The following CCSER1 variants were observed in gnomAD, a reference collection of about 807,000 sequenced individuals.
The protein encoded by CCSER1 is coiled-coil serine rich protein 1, also known as serine-rich coiled-coil domain-containing protein 1.
In CCSER1, 41 loss-of-function variants were observed where a neutral mutation model predicts 82.0. The observed-to-expected ratio is 0.50, with a 90% CI of 0.39 to 0.65. CCSER1 has a LOEUF of 0.65. CCSER1 is among the 30% of genes least tolerant of loss of function. CCSER1 has a pLI of 0.00. For synonymous variants in CCSER1, 414 were observed against 383.9 expected (o/e 1.08, Z -0.92); for missense variants, 1,119 against 1,064.2 (o/e 1.05, Z -0.72).
At chr4:90,491,010 TTTTGGTTCCATAGGAACTTTAAAGTAG>T (rs1767922306) in intron 5 of CCSER1, among the ~76,000 whole-genome samples, 1 of 152,222 alleles carries the variant, frequency 6.6e-6, no homozygotes, top group South Asian at 2.1e-4. Flanking sequence ...TGCGGGCCCT[TTTTGGTTCCATAGGAACTTTAAAGTAG>T]TTTTTTCCAA....
chr4:91,015,756 T>G (rs2150513292), intron 9 of CCSER1, among the ~76,000 whole-genome samples: 1 of 152,156 alleles, frequency 6.6e-6, no homozygotes, highest in Admixed American at 6.5e-5. Context: ...TCAAATGTAT[T>G]AAAAGCAATT....
At chr4:90,849,785 T>A (rs1580768300) in intron 8 of CCSER1, among the ~76,000 whole-genome samples, 3 of 118,792 alleles carry the variant, frequency 2.5e-5, no homozygotes, top group African/African-American at 6.6e-5. Flanking sequence ...CAAAACTCCA[T>A]CTCATAAAAA....
intron 8 of CCSER1, among the ~76,000 whole-genome samples, chr4:90,922,853 C>T (rs556037956): frequency 6.6e-6 from 1 of 152,194 alleles, no homozygotes; most frequent in Admixed American, 6.5e-5. Flanking sequence ...GTATTACTTC[C>T]CTTCCCTAGT....
intron 10 of CCSER1, among the ~76,000 whole-genome samples, chr4:91,099,423 G>A (rs377196877): frequency 2.0e-5 from 3 of 152,160 alleles, no homozygotes; most frequent in African/African-American, 4.8e-5. Context: ...GAGAGTAAAC[G>A]ATCTTTATAC....
At chr4:90,156,001 T>C (rs1728066000) in intron 1 of CCSER1, among the ~76,000 whole-genome samples, 1 of 152,168 alleles carries the variant, frequency 6.6e-6, no homozygotes, top group South Asian at 2.1e-4. Flanking sequence ...CTTCCTCTTG[T>C]GGGCATTTAG....
chr4:91,388,165 ATCACCACACC>A (rs1751422522), intron 10 of CCSER1, among the ~76,000 whole-genome samples: 2 of 152,030 alleles, frequency 1.3e-5, no homozygotes, highest in South Asian at 4.1e-4. Context: ...ACAGGCATGA[ATCACCACACC>A]CAGCTTGATA....
At chr4:90,213,321 G>A (rs1373311513) in intron 1 of CCSER1, among the ~76,000 whole-genome samples, 1 of 152,158 alleles carries the variant, frequency 6.6e-6, no homozygotes, top group Non-Finnish European at 1.5e-5. Flanking sequence ...AGGAGATTGT[G>A]AGATGAGCAA....
At chr4:90,532,635 A>G (rs942052134) in intron 5 of CCSER1, among the ~76,000 whole-genome samples, 2 of 152,170 alleles carry the variant, frequency 1.3e-5, no homozygotes, top group Non-Finnish European at 2.9e-5. Context: ...ATAGGTAAAT[A>G]AATAGCTGAG....
chr4:90,534,611 CAG>C (rs1325859097), intron 5 of CCSER1, among the ~76,000 whole-genome samples: 1 of 152,056 alleles, frequency 6.6e-6, no homozygotes, highest in Non-Finnish European at 1.5e-5. Flanking sequence ...CATGCTCACA[CAG>C]AGATACATAA....
chr4:91,150,176 C>T (rs1730013440), intron 10 of CCSER1, among the ~76,000 whole-genome samples: 1 of 152,106 alleles, frequency 6.6e-6, no homozygotes, highest in South Asian at 2.1e-4. Flanking sequence ...TTGTAATTCT[C>T]CTTGAAGAAG....
intron 10 of CCSER1, among the ~76,000 whole-genome samples, chr4:91,522,824 G>A (rs1217451114): frequency 6.6e-6 from 1 of 152,120 alleles, no homozygotes; most frequent in African/African-American, 2.4e-5. Flanking sequence ...TGCAAACAGG[G>A]ACAATTTGAC....
At chr4:91,559,587 A>G (rs1258869396) in intron 10 of CCSER1, among the ~76,000 whole-genome samples, 3 of 151,482 alleles carry the variant, frequency 2.0e-5, no homozygotes, top group African/African-American at 4.8e-5. Context: ...ATTACTTTAT[A>G]TTTATGAATT....
intron 4 of CCSER1, among the ~76,000 whole-genome samples, chr4:90,434,217 C>G (rs530139422): frequency 1.3e-5 from 2 of 151,730 alleles, no homozygotes; most frequent in African/African-American, 4.8e-5. Context: ...TCCATTTTTT[C>G]CTTTTAAGTT....
intron 10 of CCSER1, among the ~76,000 whole-genome samples, chr4:91,333,027 T>C (rs1438885090): frequency 6.6e-6 from 1 of 152,078 alleles, no homozygotes; most frequent in Non-Finnish European, 1.5e-5. Context: ...ATGTTTCTCC[T>C]TGTTCTTGTG....
At chr4:91,482,824 C>G (rs1758011270) in intron 10 of CCSER1, among the ~76,000 whole-genome samples, 1 of 152,120 alleles carries the variant, frequency 6.6e-6, no homozygotes, top group Non-Finnish European at 1.5e-5. Context: ...AACCGTCATT[C>G]TCAGCAAACT....
intron 10 of CCSER1, among the ~76,000 whole-genome samples, chr4:91,394,530 G>T (rs1251100963): frequency 6.6e-6 from 1 of 151,964 alleles, no homozygotes; most frequent in Non-Finnish European, 1.5e-5. Flanking sequence ...AAGGGCATTT[G>T]GGAACTAGGA....
intron 3 of CCSER1, among the ~76,000 whole-genome samples, chr4:90,341,285 GAGAGTTTTAT>G (rs1197450923): frequency 2.6e-5 from 4 of 152,150 alleles, no homozygotes; most frequent in Middle Eastern, 6.8e-3. Context: ...GTGATCTTAT[GAGAGTTTTAT>G]TATCTTCTTC....
chr4:90,643,107 T>C (rs1273126165), intron 6 of CCSER1, among the ~76,000 whole-genome samples: 2 of 152,162 alleles, frequency 1.3e-5, no homozygotes, highest in African/African-American at 2.4e-5. Context: ...TTCACTTCAC[T>C]TCTCTTGAAA....
intron 2 of CCSER1, among the ~76,000 whole-genome samples, chr4:90,310,868 C>T (rs1561004174): frequency 6.6e-6 from 1 of 151,996 alleles, no homozygotes; most frequent in Non-Finnish European, 1.5e-5. Context: ...AGTTAATTTT[C>T]CAGCTGTCTT....
Sources: allele counts gnomAD v4.1 joint callset (sites outside exome capture counted in the v4.1 genomes callset), GRCh38; gene constraint gnomAD v4.1.1; transcripts MANE v1.5; gene names NCBI Gene and HGNC (gene_info 2026-07-23, HGNC 2026-07-21).